Variants in MCC observed in about 807,000 individuals in gnomAD.
MCC encodes the protein colorectal mutant cancer protein.
A neutral mutation model predicts 116.2 loss-of-function variants in MCC; 90 were observed. The observed-to-expected ratio is 0.77, with a 90% CI of 0.65 to 0.92. The LOEUF is 0.92. Ranked by LOEUF, MCC falls within the 40% of genes least tolerant of loss-of-function variation. The probability of loss-of-function intolerance (pLI) is 0.00; values close to 1 mark genes in which losing one functional copy is unlikely to be tolerated. For synonymous variants in MCC, 578 were observed against 510.5 expected, an observed-to-expected ratio of 1.13 and a Z score of -1.78; for missense variants, 1,516 against 1,312.2, an observed-to-expected ratio of 1.16 and a Z score of -2.40.
chr5:113,040,516 CAGCTGACCTCAACCATA>C (rs1751631538), intron 17 of MCC, among the ~76,000 whole-genome samples: 1 of 152,138 alleles, frequency 6.6e-6, no homozygotes, highest in African/African-American at 2.4e-5. Context: ...AAGATTCCCC[CAGCTGACCTCAACCATA>C]AGCTCGGCTG....
intron 2 of MCC, among the ~76,000 whole-genome samples, chr5:113,341,691 A>G (rs1481012067): frequency 1.3e-5 from 2 of 152,144 alleles, no homozygotes; most frequent in Non-Finnish European, 2.9e-5. Flanking sequence ...TGGGAATGGT[A>G]CCCTTGGAAA....
chr5:113,390,595 A>T (rs1769377441), intron 1 of MCC, among the ~76,000 whole-genome samples: 1 of 152,234 alleles, frequency 6.6e-6, no homozygotes, highest in African/African-American at 2.4e-5. Context: ...ATTGAGTATG[A>T]AGTGAAAATT....
intron 17 of MCC, among the ~76,000 whole-genome samples, chr5:113,038,215 T>C (rs1048293650): frequency 6.6e-6 from 1 of 152,108 alleles, no homozygotes; most frequent in Non-Finnish European, 1.5e-5. Flanking sequence ...AACAGAATTG[T>C]ATTGGATGTG....
chr5:113,394,025 G>A (rs2150396379), intron 1 of MCC, among the ~76,000 whole-genome samples: 1 of 152,184 alleles, frequency 6.6e-6, no homozygotes, highest in East Asian at 1.9e-4. Context: ...CTTCAATTAA[G>A]TAGCAATCCA....
intron 1 of MCC, among the ~76,000 whole-genome samples, chr5:113,418,017 T>G (rs1009139357): frequency 1.3e-5 from 2 of 152,106 alleles, no homozygotes; most frequent in Non-Finnish European, 2.9e-5. Flanking sequence ...ACTTAAATAC[T>G]ACAGAATTTA....
chr5:113,076,765 A>G (rs1239556133), intron 11 of MCC, among the ~76,000 whole-genome samples: 1 of 152,222 alleles, frequency 6.6e-6, no homozygotes, highest in African/African-American at 2.4e-5. Context: ...CAAGCAAAAT[A>G]ACCAGCTAAC....
chr5:113,053,769 C>A lies in MCC; in HGVS notation c.2404G>T (p.Asp802Tyr), dbSNP rs780737854. The A allele has an allele frequency of 6.2e-7, 1 of 1,613,654 alleles. No individual in the cohort carries two copies. ...VKPRGDSQRL[D>Y]LENAVLMQEL... ...TGCATAAGCACTGCGTTTTCCAGAT[C>A]CAGCCTCTGGCTGTCTCCCCGAGGC... Residue 802 changes from aspartate to tyrosine, a missense_variant, in exon 15 of 19, where the codon GAT (aspartate) becomes TAT (tyrosine). Physicochemically the swap from Asp to Tyr is radical, Grantham distance 160 (BLOSUM62 -3). Transcript: ENST00000408903.
intron 1 of MCC, among the ~76,000 whole-genome samples, chr5:113,467,298 T>C (rs1771938034): frequency 6.7e-6 from 1 of 149,468 alleles, no homozygotes; most frequent in Admixed American, 6.7e-5. Flanking sequence ...GGTTTTCTTC[T>C]AGGGTTTTTA....
chr5:113,422,818 C>G (rs957860115), intron 1 of MCC, among the ~76,000 whole-genome samples: 3 of 152,158 alleles, frequency 2.0e-5, no homozygotes, highest in African/African-American at 7.2e-5. Context: ...ACAGAGACTT[C>G]TAGTTATACT....
chr5:113,475,606 C>T (rs140502292), intron 1 of MCC, among the ~76,000 whole-genome samples: 2 of 152,272 alleles, frequency 1.3e-5, no homozygotes, highest in Non-Finnish European at 2.9e-5. Flanking sequence ...CTCCATATGG[C>T]TTCCACTCTG....
chr5:113,383,790 G>A (rs1037995584), intron 2 of MCC, among the ~76,000 whole-genome samples: 2 of 152,140 alleles, frequency 1.3e-5, no homozygotes, highest in Non-Finnish European at 2.9e-5. Context: ...TATGAAGGTA[G>A]TAACGCATGG....
chr5:113,329,609 T>C (rs1449957236), intron 3 of MCC, among the ~76,000 whole-genome samples: 3 of 152,188 alleles, frequency 2.0e-5, no homozygotes, highest in Admixed American at 2.0e-4. Flanking sequence ...GATTATCTCT[T>C]TCAAAGAAAC....
At chr5:113,131,531 A>C (rs1213338535) in intron 5 of MCC, among the ~76,000 whole-genome samples, 1 of 152,220 alleles carries the variant, frequency 6.6e-6, no homozygotes. Flanking sequence ...TTAGGAAAAC[A>C]AACTGCACTG....
chr5:113,157,887 A>G (rs1331774386), intron 3 of MCC, among the ~76,000 whole-genome samples: 4 of 152,232 alleles, frequency 2.6e-5, no homozygotes, highest in Middle Eastern at 3.2e-3. Context: ...ATTATTAACA[A>G]TATGCCAGCA....
In MCC at chr5:113,255,427, A is replaced by G. The variant is rs368580682; in HGVS notation, c.627+85092T>C. Among the ~76,000 whole-genome samples, 303 of 152,342 alleles carry G rather than the reference A, an allele frequency of 2.0e-3. 1 individual carries two copies. Among genetic ancestry groups the G allele is most frequent in the Non-Finnish European group, 2.8e-3 (193 of 68,036 alleles). ...AGTGCCTGTAGCAGCCTTTGGGATCAGAAAACTAACCCCCATATCTACTTA... is the reference window on the plus strand; with the variant it reads ...AGTGCCTGTAGCAGCCTTTGGGATCGGAAAACTAACCCCCATATCTACTTA... On this transcript the variant is annotated intron_variant, in intron 3 of 18. Coordinates refer to ENST00000408903, the MANE Select transcript of MCC (RefSeq NM_001085377.2).
At chr5:113,139,220 G>A (rs993274413) in intron 5 of MCC, among the ~76,000 whole-genome samples, 10 of 152,098 alleles carry the variant, frequency 6.6e-5, no homozygotes, top group Non-Finnish European at 1.3e-4. Context: ...AGTCAACATC[G>A]CTGATTCCTC....
chr5:113,257,207 AC>A (rs1300536572), intron 3 of MCC, among the ~76,000 whole-genome samples: 2 of 152,134 alleles, frequency 1.3e-5, no homozygotes, highest in Non-Finnish European at 2.9e-5. Context: ...TACTCCAGGT[AC>A]CACTTCTGGT....
At chr5:113,455,766 T>C (rs1321255885) in intron 1 of MCC, among the ~76,000 whole-genome samples, 1 of 152,210 alleles carries the variant, frequency 6.6e-6, no homozygotes, top group Non-Finnish European at 1.5e-5. Context: ...GAATAAAGAC[T>C]ATAAATAGAC....
intron 14 of MCC, among the ~76,000 whole-genome samples, chr5:113,055,524 G>A (rs893459999): frequency 2.0e-5 from 3 of 152,318 alleles, no homozygotes; most frequent in South Asian, 4.1e-4. Context: ...CCTAGGGCTT[G>A]GGGTGGTCTT....
Sources: allele counts gnomAD v4.1 joint callset (sites outside exome capture counted in the v4.1 genomes callset), GRCh38; gene constraint gnomAD v4.1.1; transcripts MANE v1.5; gene names NCBI Gene and HGNC (gene_info 2026-07-23, HGNC 2026-07-21).